TNFRSF11A: variants seen among roughly 807,000 people sequenced by gnomAD.
TNFRSF11A encodes TNF receptor superfamily member 11a.
A neutral mutation model predicts 55.7 loss-of-function variants in TNFRSF11A; 32 were observed. That is an observed-to-expected ratio of 0.57 (90% CI 0.43 to 0.77). The LOEUF (loss-of-function observed/expected upper bound fraction) is 0.77, where lower values mean the gene tolerates loss of function less well. Ranked by LOEUF, TNFRSF11A falls within the 30% of genes least tolerant of loss-of-function variation. The pLI is 0.00. For missense variants in TNFRSF11A, 753 were observed against 809.8 expected (o/e 0.93, Z 0.85); for synonymous variants, 311 against 331.0 (o/e 0.94, Z 0.65).
At chr18:62,344,250 A>G (rs1333246916) in intron 1 of TNFRSF11A, among the ~76,000 whole-genome samples, 5 of 152,256 alleles carry the variant, frequency 3.3e-5, no homozygotes, top group African/African-American at 7.2e-5. Context: ...TCCCTATTCA[A>G]TAAATAAAAA....
chr18:62,370,459 T>C (rs1160162029), intron 9 of TNFRSF11A, among the ~76,000 whole-genome samples: 1 of 152,242 alleles, frequency 6.6e-6, no homozygotes, highest in Non-Finnish European at 1.5e-5. Flanking sequence ...TCTTCTCTGC[T>C]TCTTTATTTA....
intron 1 of TNFRSF11A, among the ~76,000 whole-genome samples, chr18:62,332,620 T>C (rs976376338): frequency 2.0e-5 from 3 of 152,218 alleles, no homozygotes; most frequent in African/African-American, 7.2e-5. Flanking sequence ...AACCAGTTGG[T>C]CAATGTCTTC....
chr18:62,376,987 T>C (rs1910945244), intron 9 of TNFRSF11A, among the ~76,000 whole-genome samples: 3 of 152,198 alleles, frequency 2.0e-5, no homozygotes, highest in Admixed American at 6.5e-5. Context: ...TGATCTTGGC[T>C]CACTGCAGGC....
At chr18:62,344,254 A>G (rs573188933) in intron 1 of TNFRSF11A, among the ~76,000 whole-genome samples, 1 of 152,374 alleles carries the variant, frequency 6.6e-6, no homozygotes, top group South Asian at 2.1e-4. Context: ...TATTCAATAA[A>G]TAAAAATTTA....
rs935058387 is a variant in TNFRSF11A, at chr18:62,369,220, G to A, written c.1303G>A (p.Ala435Thr). The A allele has an allele frequency of 1.2e-6, 2 of 1,613,752 alleles. No individual in the cohort carries two copies. Among genetic ancestry groups the A allele is most frequent in the Non-Finnish European group, 1.7e-6 (2 of 1,180,034 alleles). ...GGACAGTGGCCATTGCCCGCACTGG[G>A]CAGCCAGCCCCAGCCCCAACTGGGC... Reference protein sequence around the residue: ...EVDSGHCPHWAASPSPNWADV... With the variant: ...EVDSGHCPHWTASPSPNWADV... The change falls in exon 9 of 10, where the codon GCA becomes ACA. Residue 435 changes from alanine to threonine, a missense_variant. Coordinates refer to ENST00000586569, the MANE Select transcript of TNFRSF11A (RefSeq NM_003839.4).
intron 1 of TNFRSF11A, among the ~76,000 whole-genome samples, chr18:62,343,419 A>G (rs912750715): frequency 2.6e-5 from 4 of 152,174 alleles, no homozygotes; most frequent in African/African-American, 9.7e-5. Flanking sequence ...TGGAAAATAA[A>G]TATTTAAGTC....
rs1911977756 is a variant in TNFRSF11A, at chr18:62,391,174, G to C, written c.*6140G>C. The stretch of plus-strand genomic sequence containing the variant: ...TTGAGATCCATCGGTGGGTACACCA[G>C]TAGTTCCATTTTTTTTCTGAGTAGT... On this transcript the variant is annotated 3_prime_UTR_variant, in exon 10 of 10. Coordinates refer to ENST00000586569, the MANE Select transcript of TNFRSF11A (RefSeq NM_003839.4). 5 of 152,390 alleles carry C rather than the reference G, an allele frequency of 3.3e-5. No homozygotes were observed. The South Asian group carries it at 1.0e-3, about 32-fold the overall frequency. The allele number at this position is 152,390 out of a possible 1,614,324, so 9.4% of individuals were successfully genotyped here. A position where few individuals can be genotyped will look rare whatever the true frequency, so the allele number is the denominator to read the frequency against.
chr18:62,367,624 G>A (rs552295280), intron 8 of TNFRSF11A, among the ~76,000 whole-genome samples: 1 of 152,128 alleles, frequency 6.6e-6, no homozygotes, highest in East Asian at 1.9e-4. Context: ...ATATTTCAGT[G>A]TGTATTTAAG....
intron 9 of TNFRSF11A, among the ~76,000 whole-genome samples, chr18:62,380,554 A>G (rs1207868081): frequency 6.8e-6 from 1 of 147,532 alleles, no homozygotes; most frequent in African/African-American, 2.5e-5. Flanking sequence ...CTCCTGCCTC[A>G]GCCTCCCGAG....
At chr18:62,328,974 C>T (rs914578961) in intron 1 of TNFRSF11A, among the ~76,000 whole-genome samples, 3 of 152,096 alleles carry the variant, frequency 2.0e-5, no homozygotes, top group South Asian at 4.1e-4. Context: ...GTCAATAAAT[C>T]AGTGTTTTAT....
At chr18:62,358,695 T>A (rs1568484587) in intron 5 of TNFRSF11A, among the ~76,000 whole-genome samples, 1 of 152,234 alleles carries the variant, frequency 6.6e-6, no homozygotes, top group East Asian at 1.9e-4. Context: ...CATCCAGTTA[T>A]TTGTGTGTGT....
At position 62,358,345 on chromosome 18, in the gene TNFRSF11A, A is replaced by G; in HGVS notation, c.521+4A>G. 6.2e-7 allele frequency: 1 copy of G among 1,613,530 alleles called. No homozygotes were observed. The highest frequency in any genetic ancestry group is 1.1e-5 in the South Asian group (1 of 91,068). On this transcript the variant is annotated splice_donor_region_variant and intron_variant, in intron 5 of 9. Transcript: ENST00000586569. Reference sequence around the variant, plus strand: ...ACAAATGCAGACCCTGGACCAAGTAAGTAACAACAAAGGAGTCAGAAGAGA... The same window carrying G: ...ACAAATGCAGACCCTGGACCAAGTAGGTAACAACAAAGGAGTCAGAAGAGA...
chr18:62,366,814 G>T, intron 8 of TNFRSF11A, 54 bp downstream of exon 8: 1 of 1,568,794 alleles, frequency 6.4e-7, no homozygotes, highest in South Asian at 1.1e-5. Context: ...AGTTAGGCTG[G>T]TAGAGCCATC....
intron 9 of TNFRSF11A, 65 bp from the exon 10 acceptor site, chr18:62,384,686 C>T (rs1422218873): frequency 2.5e-6 from 4 of 1,575,098 alleles, no homozygotes; most frequent in Middle Eastern, 1.7e-4. Flanking sequence ...GAACCTTCCT[C>T]TCGGCAGACC....
At chr18:62,352,330 G>C (rs2046486472) in intron 3 of TNFRSF11A, among the ~76,000 whole-genome samples, 1 of 152,214 alleles carries the variant, frequency 6.6e-6, no homozygotes, top group Non-Finnish European at 1.5e-5. Context: ...CTTGTGTATA[G>C]AAGTTTTTTC....
intron 1 of TNFRSF11A, among the ~76,000 whole-genome samples, chr18:62,342,424 A>AT: frequency 6.8e-6 from 1 of 146,878 alleles, no homozygotes; most frequent in African/African-American, 2.5e-5. Context: ...AAAAAAAAAA[A>AT]ATCCTATATT....
At position 62,333,664 on chromosome 18, in the gene TNFRSF11A, A is replaced by G. The variant is rs146222017; in HGVS notation, c.75+8237A>G. ...TGGAGCTCCTACCAGGCAGCGCTCC[A>G]GTGACTGTGGTCTTCACCCCTCAGG... is the stretch of plus-strand genomic sequence containing the variant. On this transcript the variant is annotated intron_variant, in intron 1 of 9. Transcript: ENST00000586569. 3.7e-3 allele frequency among the ~76,000 whole-genome samples: 570 copies of G among 152,284 alleles called. 3 individuals carry two copies. Among genetic ancestry groups the G allele is most frequent in the Non-Finnish European group, 6.1e-3 (416 of 68,014 alleles).
intron 1 of TNFRSF11A, among the ~76,000 whole-genome samples, chr18:62,340,942 ATGT>A (rs1243529759): frequency 6.6e-6 from 1 of 152,238 alleles, no homozygotes; most frequent in Admixed American, 6.5e-5. Context: ...CGCCTATGCG[ATGT>A]TGTTCTGAAG....
chr18:62,379,868 T>C (rs1258071548), intron 9 of TNFRSF11A, among the ~76,000 whole-genome samples: 2 of 152,230 alleles, frequency 1.3e-5, no homozygotes, highest in Non-Finnish European at 2.9e-5. Context: ...CAACTCAGTT[T>C]TACTGAATAT....
Sources: allele counts gnomAD v4.1 joint callset (sites outside exome capture counted in the v4.1 genomes callset), GRCh38; gene constraint gnomAD v4.1.1; transcripts MANE v1.5; gene names NCBI Gene and HGNC (gene_info 2026-07-23, HGNC 2026-07-21).